The following ACTR10 variants were observed in gnomAD, a reference collection of about 807,000 sequenced individuals.
ACTR10 encodes actin related protein 10.
Under a neutral mutation model 56.2 loss-of-function variants are expected in ACTR10, and 43 were observed. The observed-to-expected ratio is 0.77, with a 90% CI of 0.60 to 0.99. ACTR10 has a LOEUF of 0.99. ACTR10 is among the 50% of genes least tolerant of loss of function. The pLI is 0.00. For synonymous variants in ACTR10, 170 were observed against 176.3 expected, an observed-to-expected ratio of 0.96 and a Z score of 0.28; for missense variants, 466 against 507.8, an observed-to-expected ratio of 0.92 and a Z score of 0.79.
chr14:58,232,398 C>CTTTTTTTTT (rs1566632021), intron 12 of ACTR10, 131 bp downstream of exon 12: 2 of 204,486 alleles, frequency 9.8e-6, no homozygotes, highest in African/African-American at 6.7e-5. Context: ...CTAACACTGA[C>CTTTTTTTTT]TTTTTCTTTT....
rs1316554473 is a variant in ACTR10 at position 58,235,513 on chromosome 14, G to A, written c.*962G>A. 1 of 152,132 alleles carries A rather than the reference G, an allele frequency of 6.6e-6. No homozygotes were observed. Among genetic ancestry groups the A allele is most frequent in the African/African-American group, 2.4e-5 (1 of 41,436 alleles). 9.4% of individuals were successfully genotyped at this position (152,132 alleles called of 1,614,324 possible). A position where few individuals can be genotyped will look rare whatever the true frequency, so the allele number is the denominator to read the frequency against. ...TGCTTTATAAAAATGTATTCACAAT[G>A]TCATTAATCTTTGCGTTTGTGCTTT... On this transcript the variant is annotated 3_prime_UTR_variant, in exon 13 of 13. Transcript: ENST00000254286.
chr14:58,208,897 T>C lies in ACTR10; in HGVS notation c.234-102T>C, dbSNP rs1888928299. 4.3e-6 allele frequency: 3 copies of C among 696,682 alleles called. No homozygotes were observed. In the South Asian group the frequency reaches 5.4e-5, roughly 13 times the overall value. The allele number at this position is 696,682 out of a possible 1,614,324, so 43.2% of individuals were successfully genotyped here. A position where few individuals can be genotyped will look rare whatever the true frequency, so the allele number is the denominator to read the frequency against. ...ATGAAGATGTCTTTTTGTGATAAAA[T>C]ATCTTAAGCTAAGGTAGTACAGTTT... On this transcript the variant is annotated intron_variant, in intron 3 of 12. Coordinates refer to ENST00000254286, the MANE Select transcript of ACTR10 (RefSeq NM_018477.3).
chr14:58,212,509 A>G (rs1889028829), intron 5 of ACTR10, among the ~76,000 whole-genome samples: 1 of 152,242 alleles, frequency 6.6e-6, no homozygotes, highest in South Asian at 2.1e-4. Context: ...TATTCATGGA[A>G]GGAAATTAAG....
rs35498207 is a variant in ACTR10, at chr14:58,228,681, C to CTTTTT, written c.789-1684_789-1680dup. 8.1e-4 allele frequency among the ~76,000 whole-genome samples: 33 copies of CTTTTT among 40,784 alleles called. 11 individuals are homozygous for CTTTTT. The highest frequency in any genetic ancestry group is 1.4e-3 in the Non-Finnish European group (29 of 20,276). 26.8% of individuals were successfully genotyped at this position (40,784 alleles called of 152,430 possible). A position where few individuals can be genotyped will look rare whatever the true frequency, so the allele number is the denominator to read the frequency against. On this transcript the variant is annotated intron_variant, in intron 10 of 12. Coordinates refer to ENST00000254286, the MANE Select transcript of ACTR10 (RefSeq NM_018477.3). ...TAACTACATCTAGTTGCAAGACAGA[C>CTTTTT]TTTTTTTTTTTTTTTTTTTTTTTTT...
chr14:58,221,280 T>TAAAA (rs35943337), intron 8 of ACTR10, among the ~76,000 whole-genome samples: 7 of 108,276 alleles, frequency 6.5e-5, no homozygotes, highest in South Asian at 3.1e-4. Flanking sequence ...AGACTCTGTC[T>TAAAA]AAAAAAAAAA....
chr14:58,204,345 C>T (rs574818346), intron 2 of ACTR10, among the ~76,000 whole-genome samples: 181 of 152,098 alleles, frequency 1.2e-3, no homozygotes, highest in Non-Finnish European at 2.3e-3. Context: ...GATTGCGCCA[C>T]TGCACTCCAG....
chr14:58,233,794 G>C (rs1889602467), intron 12 of ACTR10, among the ~76,000 whole-genome samples: 2 of 152,280 alleles, frequency 1.3e-5, no homozygotes, highest in Non-Finnish European at 2.9e-5. Flanking sequence ...TGTGCATTTA[G>C]AGAAAGAGTA....
chr14:58,200,502 C>G (rs1014774163), intron 1 of ACTR10, among the ~76,000 whole-genome samples: 3 of 152,132 alleles, frequency 2.0e-5, no homozygotes, highest in African/African-American at 7.2e-5. Flanking sequence ...CCAGAGAGGC[C>G]CAGAAAGCTT....
chr14:58,207,197 C>T (rs576798840), intron 2 of ACTR10: 9 of 157,524 alleles, frequency 5.7e-5, no homozygotes, highest in East Asian at 3.8e-4. Flanking sequence ...CACGCCACCA[C>T]GCCTAGCTAA....
At chr14:58,201,817 G>A (rs962169667) in intron 1 of ACTR10, among the ~76,000 whole-genome samples, 1 of 151,000 alleles carries the variant, frequency 6.6e-6, no homozygotes, top group African/African-American at 2.4e-5. Context: ...ACCAGCCTGG[G>A]CAACATGGGG....
rs536020485 is a variant in ACTR10, at chr14:58,202,709, G to A, written c.78-146G>A. 2.9e-5 allele frequency: 15 copies of A among 513,980 alleles called. No individual in the cohort carries two copies. In the South Asian group the frequency reaches 5.0e-4, roughly 17 times the overall value. The allele number at this position is 513,980 out of a possible 1,614,324, so 31.8% of individuals were successfully genotyped here. ...AATAGTATTATTAGTTTTGTGGAGT[G>A]ATTTTTTTTGATCCCTTAAAATACA... On this transcript the variant is annotated intron_variant, in intron 1 of 12. Coordinates refer to ENST00000254286, the MANE Select transcript of ACTR10 (RefSeq NM_018477.3).
chr14:58,217,647 C>T (rs1889164890), intron 7 of ACTR10, among the ~76,000 whole-genome samples: 1 of 143,352 alleles, frequency 7.0e-6, no homozygotes, highest in Non-Finnish European at 1.5e-5. Flanking sequence ...ACCTGGGTGA[C>T]AGAGGGAGAC....
At chr14:58,214,571 A>G (rs1594807685) in intron 6 of ACTR10, among the ~76,000 whole-genome samples, 1 of 151,322 alleles carries the variant, frequency 6.6e-6, no homozygotes, top group South Asian at 2.1e-4. Flanking sequence ...GCTCACCGCA[A>G]CCTCCGCTGC....
intron 7 of ACTR10, among the ~76,000 whole-genome samples, chr14:58,217,057 A>G (rs989420743): frequency 1.3e-5 from 2 of 152,204 alleles, no homozygotes; most frequent in Non-Finnish European, 2.9e-5. Context: ...AGATCCAATT[A>G]TAGCTTTCAA....
Position 58,200,203 on chromosome 14 carries a change from G to C in ACTR10, c.-15G>C, listed in dbSNP as rs1257995528. On this transcript the variant is annotated 5_prime_UTR_variant, in exon 1 of 13. Coordinates refer to ENST00000254286, the MANE Select transcript of ACTR10 (RefSeq NM_018477.3). ...CGGAGACTGCGACCCTCTTCTCTCAGTCTGCCTTACTACCATGCCGCTCTA... is the reference window on the plus strand; with the variant it reads ...CGGAGACTGCGACCCTCTTCTCTCACTCTGCCTTACTACCATGCCGCTCTA... 6.6e-7 allele frequency: 1 copy of C among 1,513,762 alleles called. No individual in the cohort carries two copies. The highest frequency in any genetic ancestry group is 8.9e-7 in the Non-Finnish European group (1 of 1,128,184). The allele number at this position is 1,513,762 out of a possible 1,614,324, so 93.8% of individuals were successfully genotyped here.
intron 4 of ACTR10, among the ~76,000 whole-genome samples, chr14:58,210,466 A>G (rs1594805700): frequency 6.6e-6 from 1 of 152,278 alleles, no homozygotes; most frequent in East Asian, 1.9e-4. Context: ...ACTGCAATCC[A>G]GCCTGGGCAA....
At position 58,232,146 on chromosome 14, in the gene ACTR10, C is replaced by T; in HGVS notation, c.951C>T (p.His317=). The T allele has an allele frequency of 1.2e-6, 2 of 1,613,822 alleles. No individual in the cohort carries two copies. The highest frequency in any genetic ancestry group is 1.1e-5 in the South Asian group (1 of 91,078). ...CTTCTATGTTGCCAGGATTTCTCCA[C>T]AGATTGCTTGCAGAAATAAGGTATT... is the stretch of plus-strand genomic sequence containing the variant. ...GGTSMLPGFL[H]RLLAEIRYLV... The change falls in exon 12 of 13, where the codon CAC becomes CAT. Residue 317 remains histidine (H), a synonymous_variant. Coordinates refer to ENST00000254286, the MANE Select transcript of ACTR10 (RefSeq NM_018477.3).
chr14:58,231,952 AGTATAATAATAATAT>A (rs1889545994), intron 11 of ACTR10, 99 bp from the exon 12 acceptor site: 2 of 532,976 alleles, frequency 3.8e-6, no homozygotes, highest in Non-Finnish European at 5.8e-6. Flanking sequence ...TTTAATCTGT[AGTATAATAATAATAT>A]GTATAATAAT....
chr14:58,214,125 T>A (rs887841678), intron 6 of ACTR10, among the ~76,000 whole-genome samples: 33 of 152,288 alleles, frequency 2.2e-4, no homozygotes, highest in African/African-American at 7.7e-4. Flanking sequence ...TTTCTATTTT[T>A]TTGTACCCAT....
Sources: gnomAD v4.1 joint callset for allele counts (sites outside exome capture counted in the v4.1 genomes callset) on GRCh38, gnomAD v4.1.1 for gene constraint, MANE v1.5 for transcripts, NCBI Gene and HGNC (gene_info 2026-07-23, HGNC 2026-07-21) for gene names.